Variants in KCNH5 observed in about 807,000 individuals in gnomAD.
The protein encoded by KCNH5 is potassium voltage-gated channel subfamily H member 5.
A neutral mutation model predicts 96.1 loss-of-function variants in KCNH5; 46 were observed. The observed-to-expected ratio is 0.48, with a 90% CI of 0.38 to 0.61. KCNH5 has a LOEUF of 0.61. Ranked by LOEUF, KCNH5 falls within the 20% of genes least tolerant of loss-of-function variation. The pLI is 0.00. For synonymous variants in KCNH5, 439 were observed against 449.8 expected, an observed-to-expected ratio of 0.98 and a Z score of 0.30; for missense variants, 907 against 1,225.8, an observed-to-expected ratio of 0.74 and a Z score of 3.88.
At chr14:62,759,573 A>ATATATATATATATATTTT (rs1171935428) in intron 10 of KCNH5, among the ~76,000 whole-genome samples, 8 of 151,080 alleles carry the variant, frequency 5.3e-5, no homozygotes, top group Non-Finnish European at 5.9e-5. Context: ...CGTAGGGTAT[A>ATATATATATATATATTTT]TTTTTTAATA....
At chr14:62,794,402 T>G (rs1344414630) in intron 9 of KCNH5, among the ~76,000 whole-genome samples, 8 of 151,778 alleles carry the variant, frequency 5.3e-5, no homozygotes, top group African/African-American at 1.9e-4. Context: ...TTTTTTTTTG[T>G]AATTTGATGG....
At chr14:62,764,705 G>C (rs1460244421) in intron 10 of KCNH5, among the ~76,000 whole-genome samples, 1 of 152,128 alleles carries the variant, frequency 6.6e-6, no homozygotes, top group Non-Finnish European at 1.5e-5. Context: ...AAAATCAGTA[G>C]CATTTCTATA....
At chr14:62,818,659 T>C (rs1887049687) in intron 8 of KCNH5, among the ~76,000 whole-genome samples, 1 of 152,126 alleles carries the variant, frequency 6.6e-6, no homozygotes, top group African/African-American at 2.4e-5. Context: ...TCAAACCACG[T>C]CTTAGGTATA....
At chr14:62,896,532 G>A (rs1566699234) in intron 7 of KCNH5, among the ~76,000 whole-genome samples, 1 of 152,188 alleles carries the variant, frequency 6.6e-6, no homozygotes, top group Admixed American at 6.5e-5. Context: ...AGATTAATCT[G>A]TATGTTTTCA....
intron 6 of KCNH5, among the ~76,000 whole-genome samples, chr14:62,970,696 A>G (rs1890390433): frequency 6.6e-6 from 1 of 152,178 alleles, no homozygotes; most frequent in Non-Finnish European, 1.5e-5. Flanking sequence ...CTGGTGCAAC[A>G]TTTGAGAGTC....
At chr14:62,781,314 C>T (rs1322808161) in intron 9 of KCNH5, among the ~76,000 whole-genome samples, 4 of 152,124 alleles carry the variant, frequency 2.6e-5, no homozygotes, top group African/African-American at 7.2e-5. Flanking sequence ...GGAGGCAGGG[C>T]GAGATCACAG....
Position 62,702,280 on chromosome 14 carries a change from T to A in KCNH5, c.*5228A>T, listed in dbSNP as rs1198863779. On this transcript the variant is annotated 3_prime_UTR_variant, in exon 11 of 11. Transcript: ENST00000322893. ...TGCTTAAGACAGTATGATTTCAAAC[T>A]CTGTCATTGACTCTGACCTATCAAG... The A allele has an allele frequency of 6.6e-6, 1 of 152,058 alleles. No homozygotes were observed. The highest frequency in any genetic ancestry group is 1.5e-5 in the Non-Finnish European group (1 of 67,936). 9.4% of individuals were successfully genotyped at this position (152,058 alleles called of 1,614,324 possible).
intron 7 of KCNH5, among the ~76,000 whole-genome samples, chr14:62,932,773 G>A (rs1889605473): frequency 6.6e-6 from 1 of 152,024 alleles, no homozygotes; most frequent in Admixed American, 6.6e-5. Context: ...TAAGAATCAA[G>A]GCTCAAATGG....
At chr14:63,045,061 G>A (rs1441065434) in intron 1 of KCNH5, 53 bp downstream of exon 1, 4 of 1,353,136 alleles carry the variant, frequency 3.0e-6, no homozygotes, top group African/African-American at 2.9e-5. Flanking sequence ...AGGATGGGGG[G>A]CGCGTGTGGG....
chr14:63,001,341 A>C lies in KCNH5; in HGVS notation c.423T>G (p.Asp141Glu). The C allele has an allele frequency of 6.3e-7, 1 of 1,595,536 alleles. No homozygotes were observed. Among genetic ancestry groups the C allele is most frequent in the South Asian group, 1.1e-5 (1 of 87,042 alleles). Residue 141 changes from aspartate to glutamate, a missense_variant, in exon 4 of 11, where the codon GAT (aspartate) becomes GAG (glutamate). Around this residue, in one of 6 missense-constraint regions of KCNH5, gnomAD observed 370 missense variants for 561.3 expected, o/e 0.66. Transcript: ENST00000322893. Reference sequence around the variant, plus strand: ...TCTTTTGAAAATTACCTTTTGTTGAATCATCCTCTATTGGCTGTTTGAACA... The same window carrying C: ...TCTTTTGAAAATTACCTTTTGTTGACTCATCCTCTATTGGCTGTTTGAACA... ...ITLFKQPIED[D>E]STKGWTKFAR...
intron 8 of KCNH5, among the ~76,000 whole-genome samples, chr14:62,814,782 C>CAAAAAAAAAAAAAAAAAAAAAAAA (rs71120235): frequency 3.0e-5 from 1 of 33,750 alleles, no homozygotes; most frequent in African/African-American, 1.5e-4. Flanking sequence ...GACTCCATCT[C>CAAAAAAAAAAAAAAAAAAAAAAAA]AAAAAAAAAA....
chr14:63,012,836 T>A (rs2139603572), intron 2 of KCNH5, among the ~76,000 whole-genome samples: 1 of 151,682 alleles, frequency 6.6e-6, no homozygotes. Context: ...ATTAAATAGA[T>A]CTTAACAACC....
rs1385214331 is a variant in KCNH5 at position 62,937,879 on chromosome 14, G to A, written c.1369+12254C>T. ...GGGGAGGAGGGTCTGCTATTCTCTA[G>A]CTGGGTCCTCATAAGGGAAAGAAGT... On this transcript the variant is annotated intron_variant, in intron 7 of 10. Coordinates refer to ENST00000322893, the MANE Select transcript of KCNH5 (RefSeq NM_139318.5). 4.6e-5 allele frequency among the ~76,000 whole-genome samples: 7 copies of A among 152,110 alleles called. No homozygotes were observed. The East Asian group carries it at 1.4e-3, about 29-fold the overall frequency.
intron 7 of KCNH5, among the ~76,000 whole-genome samples, chr14:62,853,366 T>C (rs1322082571): frequency 6.7e-6 from 1 of 149,220 alleles, no homozygotes; most frequent in Non-Finnish European, 1.5e-5. Flanking sequence ...TATAAAAAAG[T>C]ATAAAAAAAG....
At position 62,810,458 on chromosome 14, in the gene KCNH5, C is replaced by T. The variant is rs1305019570; in HGVS notation, c.1570-7877G>A. On this transcript the variant is annotated intron_variant, in intron 8 of 10. Transcript: ENST00000322893. ...TGAGGCTGAGACGTACTGGGCTACA[C>T]TTCCAGAGAGTTAAGCCATTCTAAG... 3.3e-5 allele frequency among the ~76,000 whole-genome samples: 5 copies of T among 152,164 alleles called. No homozygotes were observed. In the South Asian group the frequency reaches 6.2e-4, roughly 19 times the overall value.
At chr14:62,884,971 C>T (rs1437204281) in intron 7 of KCNH5, among the ~76,000 whole-genome samples, 1 of 152,106 alleles carries the variant, frequency 6.6e-6, no homozygotes. Flanking sequence ...AGTTGTATAA[C>T]TTTATAGGAT....
intron 10 of KCNH5, among the ~76,000 whole-genome samples, chr14:62,723,987 G>A (rs1210083169): frequency 1.3e-5 from 2 of 152,124 alleles, no homozygotes; most frequent in African/African-American, 2.4e-5. Flanking sequence ...AATCAGACAT[G>A]CAAGTGGCTT....
intron 8 of KCNH5, among the ~76,000 whole-genome samples, chr14:62,835,993 T>G (rs1183778680): frequency 6.6e-6 from 1 of 152,060 alleles, no homozygotes; most frequent in Non-Finnish European, 1.5e-5. Context: ...GAATTTAGAT[T>G]ACAGAACAGG....
rs1887024402 is a variant in KCNH5 at position 62,817,859 on chromosome 14, A to C, written c.1570-15278T>G. Among the ~76,000 whole-genome samples the C allele has an allele frequency of 2.2e-5, 3 of 134,780 alleles. 1 individual carries two copies. In the Admixed American group the frequency reaches 2.4e-4, roughly 11 times the overall value. 88.4% of individuals were successfully genotyped at this position (134,780 alleles called of 152,430 possible). A position where few individuals can be genotyped will look rare whatever the true frequency, so the allele number is the denominator to read the frequency against. On this transcript the variant is annotated intron_variant, in intron 8 of 10. Transcript: ENST00000322893. Reference sequence around the variant, plus strand: ...ATATAATGGACATATATATACACATACATACATATACATATAATAGCCATA... The same window carrying C: ...ATATAATGGACATATATATACACATCCATACATATACATATAATAGCCATA...
Sources: allele counts gnomAD v4.1 joint callset (sites outside exome capture counted in the v4.1 genomes callset), GRCh38; gene constraint gnomAD v4.1.1; regional missense constraint gnomAD v4.1.1; transcripts MANE v1.5; gene names NCBI Gene and HGNC (gene_info 2026-07-23, HGNC 2026-07-21).